Variants in ZNF91 observed in about 807,000 individuals in gnomAD.
The protein encoded by ZNF91 is zinc finger protein 91, also known as zinc finger protein 91 (HPF7, HTF10).
A neutral mutation model predicts 12.6 loss-of-function variants in ZNF91; 7 were observed. That is an observed-to-expected ratio of 0.55 (90% CI 0.31 to 1.04). ZNF91 has a LOEUF of 1.04. Among genes scored for constraint, ZNF91 ranks in the 50% least tolerant of loss-of-function variants. The pLI is 0.05. For missense variants in ZNF91, 1,217 were observed against 1,385.4 expected (o/e 0.88, Z 1.93); for synonymous variants, 453 against 462.6 (o/e 0.98, Z 0.27).
rs183967356 is a variant in ZNF91 at position 23,387,288 on chromosome 19, T to C, written c.30+8037A>G. ...CCATTTCACCAAGCAACCTCATCAC[T>C]GGGTATATACCCAAAGAAATACAAA... On this transcript the variant is annotated intron_variant, in intron 1 of 3. Transcript: ENST00000300619. 1.0e-4 allele frequency among the ~76,000 whole-genome samples: 16 copies of C among 152,388 alleles called. No homozygotes were observed. In the East Asian group the frequency reaches 3.1e-3, roughly 29 times the overall value.
At chr19:23,369,463 G>C (rs1230919512) in intron 3 of ZNF91, among the ~76,000 whole-genome samples, 1 of 152,084 alleles carries the variant, frequency 6.6e-6, no homozygotes, top group Non-Finnish European at 1.5e-5. Flanking sequence ...CTTCTGGGAA[G>C]TGAGGAGCCC....
At chr19:23,392,953 C>T (rs1444684005) in intron 1 of ZNF91, among the ~76,000 whole-genome samples, 1 of 152,172 alleles carries the variant, frequency 6.6e-6, no homozygotes, top group African/African-American at 2.4e-5. Flanking sequence ...ATAACCCCCT[C>T]TCAGGAGACT....
chr19:23,346,917 C>T (rs1599706597), intron 3 of ZNF91, among the ~76,000 whole-genome samples: 2 of 152,214 alleles, frequency 1.3e-5, no homozygotes, highest in Non-Finnish European at 2.9e-5. Flanking sequence ...CGCACATCAC[C>T]ATGGTAACCA....
chr19:23,353,007 AGT>A (rs771415813), downstream of ZNF91, among the ~76,000 whole-genome samples: 3 of 152,254 alleles, frequency 2.0e-5, no homozygotes, highest in Non-Finnish European at 4.4e-5. Context: ...ACACTGTAAT[AGT>A]GGCAAACTTC....
chr19:23,323,714 T>C lies in ZNF91; in HGVS notation n.117-14617A>G, dbSNP rs570163083. Among the ~76,000 whole-genome samples, 166 of 126,902 alleles carry C rather than the reference T, an allele frequency of 1.3e-3. 1 individual carries two copies. The highest frequency in any genetic ancestry group is 4.8e-3 in the African/African-American group (149 of 30,992). 83.3% of individuals were successfully genotyped at this position (126,902 alleles called of 152,430 possible). On this transcript the variant is annotated intron_variant and non_coding_transcript_variant, in intron 1 of 1. Transcript: ENST00000596528. ...TCCTTCTTTATCCTCTCCTCCTTCT[T>C]TTCTTCTACGCCTTCTCCTCATTCT...
intron 3 of ZNF91, chr19:23,342,070 C>T (rs1410312406): frequency 3.0e-6 from 1 of 331,142 alleles, no homozygotes; most frequent in East Asian, 4.2e-5. Context: ...GAAACCTTTC[C>T]ATGGAAGCAG....
chr19:23,359,983 C>T lies in ZNF91; in HGVS notation c.2996G>A (p.Cys999Tyr), dbSNP rs1252696117. Residue 999 changes from cysteine to tyrosine, a missense_variant, in exon 4 of 4, where the codon TGT becomes TAT. By Grantham distance (194) the Cys-to-Tyr change is radical. Coordinates refer to ENST00000300619, the MANE Select transcript of ZNF91 (RefSeq NM_003430.4). ...TGEKPYKCEE[C>Y]GKAFSQSSTL... is the part of the protein sequence containing the mutation. ...TGAGGATTGGCTAAATGCTTTGCCA[C>T]ATTCTTCACATTTGTAGGGTTTCTC... The T allele has an allele frequency of 6.2e-7, 1 of 1,613,678 alleles. No homozygotes were observed. The highest frequency in any genetic ancestry group is 1.7e-5 in the Admixed American group (1 of 60,026).
chr19:23,361,793 G>A lies in ZNF91; in HGVS notation c.1186C>T (p.His396Tyr). 1 of 1,609,704 alleles carries A rather than the reference G, an allele frequency of 6.2e-7. No homozygotes were observed. Among genetic ancestry groups the A allele is most frequent in the Non-Finnish European group, 8.5e-7 (1 of 1,176,936 alleles). Residue 396 changes from histidine (H) to tyrosine (Y), a missense_variant, in exon 4 of 4, where the codon CAT becomes TAT. Physicochemically the swap from His to Tyr is moderately conservative, Grantham distance 83. Coordinates refer to ENST00000300619, the MANE Select transcript of ZNF91 (RefSeq NM_003430.4). ...AFKRLSTLTK[H>Y]KIIHAGEKLY... ...TTCTCTCCAGCATGTATTATTTTAT[G>A]TTTAGTAAGGGTTGAGAGTCGCTTA...
At chr19:23,353,302 G>T (rs1421848108), downstream of ZNF91, among the ~76,000 whole-genome samples, 4 of 152,024 alleles carry the variant, frequency 2.6e-5, no homozygotes, top group Non-Finnish European at 4.4e-5. Flanking sequence ...AACTCCCAAA[G>T]GAACGTTCAA....
At chr19:23,379,570 A>G (rs1969621193) in intron 1 of ZNF91, among the ~76,000 whole-genome samples, 1 of 152,172 alleles carries the variant, frequency 6.6e-6, no homozygotes, top group Non-Finnish European at 1.5e-5. Flanking sequence ...TGTCATAGGT[A>G]GTTCATCCTA....
At chr19:23,322,110 C>A (rs1001043016) in intron 1 of ZNF91, among the ~76,000 whole-genome samples, 1 of 152,174 alleles carries the variant, frequency 6.6e-6, no homozygotes, top group African/African-American at 2.4e-5. Context: ...CATGCATCGT[C>A]CCTGCCCCTT....
chr19:23,314,170 T>A (rs561194974), upstream of ZNF91, among the ~76,000 whole-genome samples: 2 of 152,252 alleles, frequency 1.3e-5, no homozygotes, highest in African/African-American at 4.8e-5. Flanking sequence ...TATTCCTAGG[T>A]CTAAAACCCA....
rs1337492104 is a variant in ZNF91 at position 23,357,796 on chromosome 19, T to C, written c.*1607A>G. The C allele has an allele frequency of 2.6e-5, 4 of 152,168 alleles. No individual in the cohort carries two copies. Among genetic ancestry groups the C allele is most frequent in the African/African-American group, 9.7e-5 (4 of 41,444 alleles). 9.4% of individuals were successfully genotyped at this position (152,168 alleles called of 1,614,324 possible). A position where few individuals can be genotyped will look rare whatever the true frequency, so the allele number is the denominator to read the frequency against. ...TTGTACATTTAAAAATAACTAAAAC[T>C]GTAGAATTGAATTATTTGTAATACA... On this transcript the variant is annotated 3_prime_UTR_variant, in exon 4 of 4. Coordinates refer to ENST00000300619, the MANE Select transcript of ZNF91 (RefSeq NM_003430.4).
rs541973102 is a variant in ZNF91 at position 23,340,788 on chromosome 19, A to C, written c.254-1734T>G. On this transcript the variant is annotated intron_variant, in intron 3 of 3. Coordinates refer to the ZNF91 transcript ENST00000599743. ...AATAGACAAATGGAAATCAAACTAA[A>C]AGTTTTGGCACAGAAAAAAAAATCA... Among the ~76,000 whole-genome samples the C allele has an allele frequency of 9.4e-5, 14 of 149,068 alleles. No homozygotes were observed. In the East Asian group the frequency reaches 2.8e-3, roughly 29 times the overall value.
intron 1 of ZNF91, among the ~76,000 whole-genome samples, chr19:23,382,917 G>A (rs1193053393): frequency 1.3e-5 from 2 of 151,856 alleles, no homozygotes; most frequent in Non-Finnish European, 2.9e-5. Context: ...TGGACCAGAC[G>A]TACAAAAAAG....
chr19:23,385,215 T>G, intron 1 of ZNF91: 1 of 614,838 alleles, frequency 1.6e-6, no homozygotes, highest in Non-Finnish European at 2.9e-6. Context: ...ATCTTACAGG[T>G]TCCCTCCTCC....
chr19:23,313,450 G>A (rs1227156777), upstream of ZNF91, among the ~76,000 whole-genome samples: 1 of 152,170 alleles, frequency 6.6e-6, no homozygotes, highest in Non-Finnish European at 1.5e-5. Flanking sequence ...TCTTCCCTCA[G>A]GGGAGACTGT....
intron 1 of ZNF91, among the ~76,000 whole-genome samples, chr19:23,323,693 T>G (rs1438161648): frequency 8.0e-6 from 1 of 125,022 alleles, no homozygotes; most frequent in Admixed American, 7.6e-5. Flanking sequence ...TACTTCTCCT[T>G]CTTTATCCTC....
intron 1 of ZNF91, among the ~76,000 whole-genome samples, chr19:23,321,327 C>T (rs918037179): frequency 2.6e-5 from 4 of 152,038 alleles, no homozygotes; most frequent in Admixed American, 6.5e-5. Context: ...ACTCAGGTGA[C>T]GTAAGTTTTC....
Sources: allele counts gnomAD v4.1 joint callset (sites outside exome capture counted in the v4.1 genomes callset), GRCh38; gene constraint gnomAD v4.1.1; transcripts MANE v1.5; gene names NCBI Gene and HGNC (gene_info 2026-07-23, HGNC 2026-07-21).